The following CRHR1 variants were observed in gnomAD, a reference collection of about 807,000 sequenced individuals.
CRHR1 encodes corticotropin releasing hormone receptor 1.
In CRHR1, 28 loss-of-function variants were observed where a neutral mutation model predicts 56.0. That is an observed-to-expected ratio of 0.50 (90% CI 0.37 to 0.69). CRHR1 has a LOEUF of 0.69. Among genes scored for constraint, CRHR1 ranks in the 30% least tolerant of loss-of-function variants. The pLI is 0.00. For missense variants in CRHR1, 376 were observed against 548.0 expected (o/e 0.69, Z 3.13); for synonymous variants, 195 against 216.5 (o/e 0.90, Z 0.87).
chr17:45,820,294 G>C (rs936320682), intron 3 of CRHR1, among the ~76,000 whole-genome samples: 1 of 152,194 alleles, frequency 6.6e-6, no homozygotes, highest in Admixed American at 6.5e-5. Flanking sequence ...GCCAGAGCCG[G>C]GTACAGGGTG....
chr17:45,798,619 C>T (rs923946385), intron 1 of CRHR1, among the ~76,000 whole-genome samples: 2 of 151,434 alleles, frequency 1.3e-5, no homozygotes, highest in Non-Finnish European at 2.9e-5. Context: ...CTTGGAGGGG[C>T]GTGTGTGACT....
Position 45,829,120 on chromosome 17 carries a change from T to A in CRHR1, c.328-95T>A. 3.2e-6 allele frequency: 3 copies of A among 936,186 alleles called. 1 individual carries two copies. The South Asian group carries it at 4.4e-5, about 14-fold the overall frequency. 58.0% of individuals were successfully genotyped at this position (936,186 alleles called of 1,614,324 possible). A position where few individuals can be genotyped will look rare whatever the true frequency, so the allele number is the denominator to read the frequency against. On this transcript the variant is annotated intron_variant, in intron 4 of 12. Transcript: ENST00000314537. The stretch of plus-strand genomic sequence containing the variant: ...GAAGGGGGAGTGGCCCTTGAGATCA[T>A]GACCCGCTCCATCCCAGCCACCCCT...
rs182237429 is a variant in CRHR1 at position 45,787,273 on chromosome 17, C to G, written c.33+2696C>G. Among the ~76,000 whole-genome samples the G allele has an allele frequency of 8.5e-5, 13 of 152,304 alleles. 2 individuals are homozygous for G. Among genetic ancestry groups the G allele is most frequent in the African/African-American group, 3.1e-4 (13 of 41,556 alleles). Reference sequence around the variant, plus strand: ...GGAGAAGACAGACAAGACATTGTCTCTATCCCCAGGGAGGGGCAGGGGCCT... The same window carrying G: ...GGAGAAGACAGACAAGACATTGTCTGTATCCCCAGGGAGGGGCAGGGGCCT... On this transcript the variant is annotated intron_variant, in intron 1 of 12. Coordinates refer to ENST00000314537, the MANE Select transcript of CRHR1 (RefSeq NM_004382.5).
intron 1 of CRHR1, among the ~76,000 whole-genome samples, chr17:45,794,851 G>GCCCAGGA (rs1420548643): frequency 6.6e-6 from 1 of 152,176 alleles, no homozygotes; most frequent in African/African-American, 2.4e-5. Flanking sequence ...AGGGCCCAGG[G>GCCCAGGA]CCCAGGACCC....
chr17:45,788,827 G>T (rs1213900344), intron 1 of CRHR1, among the ~76,000 whole-genome samples: 1 of 152,210 alleles, frequency 6.6e-6, no homozygotes, highest in Non-Finnish European at 1.5e-5. Context: ...CGACTTCATG[G>T]ATGAGTTTAT....
chr17:45,796,137 G>A (rs975428289), intron 1 of CRHR1, among the ~76,000 whole-genome samples: 6 of 152,154 alleles, frequency 3.9e-5, no homozygotes, highest in Non-Finnish European at 8.8e-5. Context: ...GTCAGAGAGC[G>A]GCTGAGCCGA....
rs1343733843 is a variant in CRHR1 at position 45,821,937 on chromosome 17, A to G, written c.327+497A>G. On this transcript the variant is annotated intron_variant, in intron 4 of 12. Coordinates refer to ENST00000314537, the MANE Select transcript of CRHR1 (RefSeq NM_004382.5). Reference sequence around the variant, plus strand: ...ATGTTTTTGAGCAGATATTGCTTACACAGAACTCAGAAGGTACAAATGGGA... The same window carrying G: ...ATGTTTTTGAGCAGATATTGCTTACGCAGAACTCAGAAGGTACAAATGGGA... Among the ~76,000 whole-genome samples, 3 of 152,244 alleles carry G rather than the reference A, an allele frequency of 2.0e-5. No individual in the cohort carries two copies. In the East Asian group the frequency reaches 5.8e-4, roughly 29 times the overall value.
At chr17:45,805,003 C>T (rs922518884) in intron 1 of CRHR1, among the ~76,000 whole-genome samples, 3 of 151,804 alleles carry the variant, frequency 2.0e-5, no homozygotes, top group East Asian at 1.9e-4. Flanking sequence ...TTAGTAGAGA[C>T]GGGGCTTCAC....
chr17:45,807,247 T>C, intron 2 of CRHR1, 150 bp downstream of exon 2: 1 of 710,092 alleles, frequency 1.4e-6, no homozygotes, highest in Non-Finnish European at 2.4e-6. Context: ...TCTTCACATC[T>C]CCACCGAGCA....
intron 3 of CRHR1, among the ~76,000 whole-genome samples, chr17:45,817,236 C>G (rs1419903778): frequency 6.6e-6 from 1 of 152,232 alleles, no homozygotes; most frequent in Non-Finnish European, 1.5e-5. Flanking sequence ...TTCCGCCTGC[C>G]ACTCTCAGAA....
At chr17:45,832,263 T>C (rs2062330533) in intron 8 of CRHR1, among the ~76,000 whole-genome samples, 1 of 151,962 alleles carries the variant, frequency 6.6e-6, no homozygotes, top group Non-Finnish European at 1.5e-5. Flanking sequence ...AAAAACTGTT[T>C]GGGCTAAAGG....
At chr17:45,799,976 C>G (rs2061592750) in intron 1 of CRHR1, 1 of 153,766 alleles carries the variant, frequency 6.5e-6, no homozygotes, top group Non-Finnish European at 1.4e-5. Flanking sequence ...CTCCCTCCCT[C>G]TGACAGCCAC....
rs543732291 is a variant in CRHR1, at chr17:45,797,201, G to T, written c.34-9809G>T. 2.0e-5 allele frequency among the ~76,000 whole-genome samples: 3 copies of T among 152,120 alleles called. No homozygotes were observed. In the East Asian group the frequency reaches 5.8e-4, roughly 29 times the overall value. On this transcript the variant is annotated intron_variant, in intron 1 of 12. Coordinates refer to ENST00000314537, the MANE Select transcript of CRHR1 (RefSeq NM_004382.5). ...AAAAGCCAAGTCAGGAAGGAAGAAC[G>T]TGCAAAGTTGAGTAACAGAGTGGTG... is the stretch of plus-strand genomic sequence containing the variant.
intron 3 of CRHR1, among the ~76,000 whole-genome samples, chr17:45,818,569 C>T (rs533208000): frequency 1.3e-5 from 2 of 152,164 alleles, no homozygotes; most frequent in South Asian, 2.1e-4. Context: ...GGCTCCCCCG[C>T]ACTTCCCTCT....
rs370336999 is a variant in CRHR1, at chr17:45,830,540, C to A, written c.679C>A (p.Arg227Ser). 1 of 1,612,694 alleles carries A rather than the reference C, an allele frequency of 6.2e-7. No homozygotes were observed. The change falls in exon 7 of 13, where the codon CGC becomes AGC. Residue 227 changes from arginine to serine, a missense_variant. Around this residue, in one of 2 missense-constraint regions of CRHR1, gnomAD observed 369 missense variants for 519.5 expected, o/e 0.71. Coordinates refer to ENST00000314537, the MANE Select transcript of CRHR1 (RefSeq NM_004382.5). ...GCTCACCTACTCCACTGACCGGCTG[C>A]GCAAATGGATGTTCATCTGCATTGG... ...IVLTYSTDRL[R>S]KWMFICIGWG...
intron 1 of CRHR1, among the ~76,000 whole-genome samples, chr17:45,786,424 T>C (rs1374628189): frequency 1.3e-5 from 2 of 152,288 alleles, no homozygotes; most frequent in Middle Eastern, 3.4e-3. Context: ...TTATGTAGCA[T>C]GTACAATTCA....
At chr17:45,810,610 C>T (rs893351681) in intron 2 of CRHR1, among the ~76,000 whole-genome samples, 1 of 152,130 alleles carries the variant, frequency 6.6e-6, no homozygotes, top group Non-Finnish European at 1.5e-5. Context: ...GCAGGGCCAC[C>T]CCTGCAGTTT....
rs1474381556 is a variant in CRHR1 at position 45,815,384 on chromosome 17, T to C, written c.122-1079T>C. 1.2e-4 allele frequency among the ~76,000 whole-genome samples: 19 copies of C among 152,190 alleles called. 1 individual carries two copies. The highest frequency in any genetic ancestry group is 1.2e-3 in the Admixed American group (19 of 15,284). ...CCACCCTCCCCTCCTGAAGTGTCAC[T>C]GGGCCTCAACTCTGCCCCAACATCC... On this transcript the variant is annotated intron_variant, in intron 2 of 12. Coordinates refer to ENST00000314537, the MANE Select transcript of CRHR1 (RefSeq NM_004382.5).
intron 1 of CRHR1, among the ~76,000 whole-genome samples, chr17:45,804,011 C>A (rs548418702): frequency 2.6e-5 from 4 of 152,336 alleles, no homozygotes; most frequent in Admixed American, 1.3e-4. Flanking sequence ...GCAAGAGCCA[C>A]CGGCTGGCCT....
Sources: gnomAD v4.1 joint callset for allele counts (sites outside exome capture counted in the v4.1 genomes callset) on GRCh38, gnomAD v4.1.1 for gene constraint, gnomAD v4.1.1 regional missense constraint, MANE v1.5 for transcripts, NCBI Gene and HGNC (gene_info 2026-07-23, HGNC 2026-07-21) for gene names.